The following SORCS1 variants were observed in gnomAD, a reference collection of about 807,000 sequenced individuals.
The protein encoded by SORCS1 is VPS10 domain-containing receptor SorCS1.
In SORCS1, 60 loss-of-function variants were observed where a neutral mutation model predicts 146.1. That is an observed-to-expected ratio of 0.41 (90% CI 0.33 to 0.51). The LOEUF is 0.51. Ranked by LOEUF, SORCS1 falls within the 20% of genes least tolerant of loss-of-function variation. The pLI is 0.21. For synonymous variants in SORCS1, 637 were observed against 584.0 expected (o/e 1.09, Z -1.31); for missense variants, 1,352 against 1,487.6 (o/e 0.91, Z 1.50).
At chr10:106,813,600 T>C (rs1253609173) in intron 3 of SORCS1, among the ~76,000 whole-genome samples, 1 of 152,116 alleles carries the variant, frequency 6.6e-6, no homozygotes, top group East Asian at 1.9e-4. Context: ...CTCCCTGCCA[T>C]TGAAAATCTA....
At chr10:106,786,996 G>A (rs1157874176) in intron 3 of SORCS1, among the ~76,000 whole-genome samples, 1 of 152,102 alleles carries the variant, frequency 6.6e-6, no homozygotes, top group Admixed American at 6.5e-5. Context: ...CATTAAGGGA[G>A]CCAAGGTTGA....
chr10:107,065,238 C>T (rs950101472), intron 1 of SORCS1, among the ~76,000 whole-genome samples: 1 of 152,094 alleles, frequency 6.6e-6, no homozygotes, highest in Non-Finnish European at 1.5e-5. Flanking sequence ...TGAGCATTCA[C>T]TTTCCCTACC....
chr10:107,166,718 C>T (rs1021938465), upstream of SORCS1, among the ~76,000 whole-genome samples: 3 of 152,194 alleles, frequency 2.0e-5, no homozygotes, highest in Admixed American at 2.0e-4. Context: ...TTTCTATGCC[C>T]TGCTAACCTC....
At chr10:106,705,610 T>G (rs1854460830) in intron 8 of SORCS1, among the ~76,000 whole-genome samples, 1 of 152,216 alleles carries the variant, frequency 6.6e-6, no homozygotes, top group Non-Finnish European at 1.5e-5. Flanking sequence ...TCTTTAAACC[T>G]GCATAGTCCC....
chr10:107,004,855 G>A (rs1455785117), intron 1 of SORCS1, among the ~76,000 whole-genome samples: 1 of 152,102 alleles, frequency 6.6e-6, no homozygotes, highest in Non-Finnish European at 1.5e-5. Flanking sequence ...ATGCTGGTAT[G>A]TGTGTGTGGG....
chr10:106,782,263 C>A (rs1352210271), intron 3 of SORCS1, among the ~76,000 whole-genome samples: 1 of 152,058 alleles, frequency 6.6e-6, no homozygotes, highest in African/African-American at 2.4e-5. Flanking sequence ...CGGAAAAAAA[C>A]AAGCATAAAA....
chr10:106,740,506 T>A (rs1046623866), intron 5 of SORCS1, among the ~76,000 whole-genome samples: 2 of 152,184 alleles, frequency 1.3e-5, no homozygotes, highest in Non-Finnish European at 2.9e-5. Flanking sequence ...TTGTGAAGCT[T>A]ACAATTCAAT....
chr10:106,734,549 G>T (rs10884347), intron 5 of SORCS1, among the ~76,000 whole-genome samples: 65,512 of 151,562 alleles, frequency 0.43, 14,152 homozygotes, highest in African/African-American at 0.46. Context: ...AGATAGATTA[G>T]CAAAAAGCAT....
intron 14 of SORCS1, among the ~76,000 whole-genome samples, chr10:106,673,519 A>G (rs1390645006): frequency 6.6e-6 from 1 of 152,226 alleles, no homozygotes; most frequent in Non-Finnish European, 1.5e-5. Flanking sequence ...AAATCAAGTC[A>G]TAATAACAGG....
chr10:106,990,615 G>A (rs965031322), intron 1 of SORCS1, among the ~76,000 whole-genome samples: 21 of 152,276 alleles, frequency 1.4e-4, no homozygotes, highest in African/African-American at 4.3e-4. Context: ...TTGTCATGAC[G>A]TGTGATAGTA....
intron 1 of SORCS1, among the ~76,000 whole-genome samples, chr10:107,087,964 G>T (rs1367946416): frequency 6.6e-6 from 1 of 152,136 alleles, no homozygotes; most frequent in East Asian, 1.9e-4. Flanking sequence ...TGTCACCCAG[G>T]CTGCAGCACA....
chr10:106,664,271 G>C (rs1385348534), intron 17 of SORCS1, among the ~76,000 whole-genome samples: 1 of 152,138 alleles, frequency 6.6e-6, no homozygotes, highest in African/African-American at 2.4e-5. Flanking sequence ...ATTTTATATG[G>C]CATAGATGGT....
intron 2 of SORCS1, among the ~76,000 whole-genome samples, chr10:106,935,306 C>G (rs1181267633): frequency 2.0e-5 from 3 of 152,000 alleles, no homozygotes; most frequent in African/African-American, 7.3e-5. Context: ...TTATTATTAT[C>G]CCTAATATAG....
intron 3 of SORCS1, among the ~76,000 whole-genome samples, chr10:106,781,086 G>A (rs1398491068): frequency 1.3e-5 from 2 of 151,866 alleles, no homozygotes; most frequent in Admixed American, 6.6e-5. Flanking sequence ...GCTACAGGAA[G>A]TAATTCTACA....
chr10:106,624,421 C>CACGATCTTG (rs1404480790), intron 19 of SORCS1, among the ~76,000 whole-genome samples: 4 of 124,018 alleles, frequency 3.2e-5, no homozygotes, highest in African/African-American at 1.3e-4. Flanking sequence ...AGTGCAGTGG[C>CACGATCTTG]ACGATCTTGG....
At chr10:107,074,149 C>G (rs1027989389) in intron 1 of SORCS1, among the ~76,000 whole-genome samples, 1 of 152,100 alleles carries the variant, frequency 6.6e-6, no homozygotes, top group African/African-American at 2.4e-5. Flanking sequence ...TTATAACATA[C>G]GAAGTAGTTT....
Position 106,665,788 on chromosome 10 carries a change from G to A in SORCS1, c.2303+1901C>T, listed in dbSNP as rs564729631. Among the ~76,000 whole-genome samples the A allele has an allele frequency of 1.5e-4, 23 of 152,088 alleles. No homozygotes were observed. In the East Asian group the frequency reaches 2.7e-3, roughly 18 times the overall value. On this transcript the variant is annotated intron_variant, in intron 17 of 25. Transcript: ENST00000263054. ...TAACTTAATATGCGAACTTGACTGC[G>A]CCATAGTATGCCCAGATATTTGGTC...
At chr10:106,892,753 C>T (rs1196657654) in intron 2 of SORCS1, among the ~76,000 whole-genome samples, 2 of 152,084 alleles carry the variant, frequency 1.3e-5, no homozygotes, top group African/African-American at 4.8e-5. Flanking sequence ...TTCTACATGT[C>T]TCCAGATAAA....
At chr10:107,011,076 G>C (rs1304247540) in intron 1 of SORCS1, among the ~76,000 whole-genome samples, 1 of 152,176 alleles carries the variant, frequency 6.6e-6, no homozygotes, top group Non-Finnish European at 1.5e-5. Context: ...ACCTCAGAAG[G>C]AAAGAAAATA....
Sources: allele counts gnomAD v4.1 joint callset (sites outside exome capture counted in the v4.1 genomes callset), GRCh38; gene constraint gnomAD v4.1.1; transcripts MANE v1.5; gene names NCBI Gene and HGNC (gene_info 2026-07-23, HGNC 2026-07-21).